Variants in CTNNA3 observed in about 807,000 individuals in gnomAD.
CTNNA3 encodes catenin alpha-3.
Under a neutral mutation model 95.7 loss-of-function variants are expected in CTNNA3, and 76 were observed. That is an observed-to-expected ratio of 0.79 (90% CI 0.66 to 0.96). The LOEUF is 0.96. CTNNA3 is among the 40% of genes least tolerant of loss of function. The pLI, the probability that CTNNA3 is intolerant of heterozygous loss-of-function variation, is 0.00. For synonymous variants in CTNNA3, 431 were observed against 374.4 expected (o/e 1.15, Z -1.74); for missense variants, 1,191 against 1,089.8 (o/e 1.09, Z -1.31).
intron 1 of CTNNA3, among the ~76,000 whole-genome samples, chr10:67,682,633 A>G (rs1344130654): frequency 9.2e-5 from 14 of 152,188 alleles, no homozygotes; most frequent in Non-Finnish European, 1.0e-4. Context: ...CAAATTATAA[A>G]TTATGTGTAC....
intron 11 of CTNNA3, among the ~76,000 whole-genome samples, chr10:66,404,923 AT>A (rs1358891786): frequency 3.9e-5 from 6 of 152,162 alleles, no homozygotes; most frequent in Non-Finnish European, 5.9e-5. Context: ...GGGGCAGAAC[AT>A]TCCAAAGAGA....
At chr10:67,282,374 G>C (rs2132445846) in intron 5 of CTNNA3, among the ~76,000 whole-genome samples, 1 of 152,090 alleles carries the variant, frequency 6.6e-6, no homozygotes, top group Middle Eastern at 3.4e-3. Context: ...TACTCCCATG[G>C]GAACACAAAT....
intron 11 of CTNNA3, among the ~76,000 whole-genome samples, chr10:66,439,335 A>T (rs1396278509): frequency 2.0e-5 from 3 of 152,188 alleles, no homozygotes; most frequent in Admixed American, 1.3e-4. Context: ...TATTTACATC[A>T]TCACAACAAT....
intron 9 of CTNNA3, among the ~76,000 whole-genome samples, chr10:66,752,444 C>T (rs1338179866): frequency 6.6e-6 from 1 of 152,022 alleles, no homozygotes; most frequent in Non-Finnish European, 1.5e-5. Flanking sequence ...AACTAATATA[C>T]AATAATTAAT....
chr10:66,861,960 A>G (rs1325230883), intron 7 of CTNNA3, among the ~76,000 whole-genome samples: 3 of 152,124 alleles, frequency 2.0e-5, no homozygotes, highest in Non-Finnish European at 4.4e-5. Context: ...CACACCTGTA[A>G]TCCCAGCACT....
At chr10:67,728,656 A>T (rs1298787184) in intron 1 of CTNNA3, among the ~76,000 whole-genome samples, 3 of 151,832 alleles carry the variant, frequency 2.0e-5, no homozygotes, top group Non-Finnish European at 4.4e-5. Flanking sequence ...ATATGCATGT[A>T]TTTGTATACC....
At chr10:66,465,025 CGG>C (rs1446615531) in intron 11 of CTNNA3, among the ~76,000 whole-genome samples, 2 of 152,022 alleles carry the variant, frequency 1.3e-5, no homozygotes, top group African/African-American at 4.8e-5. Context: ...AAATAGGGTG[CGG>C]ACATAGACAA....
At chr10:66,204,696 C>A (rs1285775464) in intron 13 of CTNNA3, among the ~76,000 whole-genome samples, 1 of 152,122 alleles carries the variant, frequency 6.6e-6, no homozygotes, top group Non-Finnish European at 1.5e-5. Context: ...TATTATAGCA[C>A]TTTTAAGATT....
intron 5 of CTNNA3, among the ~76,000 whole-genome samples, chr10:67,349,571 T>C (rs1199376358): frequency 6.6e-6 from 1 of 152,090 alleles, no homozygotes; most frequent in African/African-American, 2.4e-5. Context: ...GGGAAGTTGA[T>C]AATCAAGGGG....
intron 12 of CTNNA3, among the ~76,000 whole-genome samples, chr10:66,290,471 T>C (rs944305673): frequency 1.3e-5 from 2 of 152,128 alleles, no homozygotes; most frequent in Non-Finnish European, 2.9e-5. Context: ...TTCATCAGGA[T>C]ATACTTGAAA....
chr10:66,006,264 C>T lies in CTNNA3; in HGVS notation c.2160-17467G>A, dbSNP rs192966859. On this transcript the variant is annotated intron_variant, in intron 15 of 17. Coordinates refer to ENST00000433211, the MANE Select transcript of CTNNA3 (RefSeq NM_013266.4). ...TCCTGACCTCGTGATCCGCCCGCCT[C>T]GGCCTCCCAAAGTGCTGGGATTACA... Among the ~76,000 whole-genome samples, 259 of 152,078 alleles carry T rather than the reference C, an allele frequency of 1.7e-3. 1 individual carries two copies. Among genetic ancestry groups the T allele is most frequent in the African/African-American group, 5.1e-3 (212 of 41,502 alleles).
chr10:67,063,925 A>T (rs1207202558), intron 7 of CTNNA3, among the ~76,000 whole-genome samples: 1 of 152,170 alleles, frequency 6.6e-6, no homozygotes, highest in Non-Finnish European at 1.5e-5. Context: ...TTATGGGTGC[A>T]TTTACCTTCT....
intron 13 of CTNNA3, among the ~76,000 whole-genome samples, chr10:66,229,547 A>G (rs1409875792): frequency 6.6e-6 from 1 of 151,884 alleles, no homozygotes; most frequent in African/African-American, 2.4e-5. Context: ...TGAATATATC[A>G]TCCTATTCTC....
At chr10:66,344,607 A>G (rs2092487119) in intron 12 of CTNNA3, among the ~76,000 whole-genome samples, 1 of 152,090 alleles carries the variant, frequency 6.6e-6, no homozygotes, top group Non-Finnish European at 1.5e-5. Flanking sequence ...TTAAAAATCA[A>G]AAATTGAAAT....
intron 5 of CTNNA3, among the ~76,000 whole-genome samples, chr10:67,454,643 G>T (rs1847106427): frequency 6.6e-6 from 1 of 151,896 alleles, no homozygotes; most frequent in Non-Finnish European, 1.5e-5. Context: ...GTCTCTTATG[G>T]GCCTTATTAA....
intron 13 of CTNNA3, among the ~76,000 whole-genome samples, chr10:66,176,186 A>C (rs1000950424): frequency 9.2e-5 from 14 of 152,184 alleles, no homozygotes; most frequent in African/African-American, 3.4e-4. Flanking sequence ...GTGTGCGCAC[A>C]TGTATTTGTG....
chr10:67,421,080 T>C (rs1180395105), intron 5 of CTNNA3, among the ~76,000 whole-genome samples: 1 of 152,104 alleles, frequency 6.6e-6, no homozygotes, highest in Non-Finnish European at 1.5e-5. Context: ...TTCACTAAAG[T>C]CTAGGGAACA....
chr10:67,635,976 A>T (rs1839298832), intron 2 of CTNNA3, among the ~76,000 whole-genome samples: 1 of 152,222 alleles, frequency 6.6e-6, no homozygotes, highest in East Asian at 1.9e-4. Flanking sequence ...AAGTCTCAGG[A>T]TATAAAATCA....
At chr10:67,248,593 T>C (rs891078616) in intron 5 of CTNNA3, among the ~76,000 whole-genome samples, 1 of 152,028 alleles carries the variant, frequency 6.6e-6, no homozygotes, top group South Asian at 2.1e-4. Context: ...TTTTTGCTTT[T>C]GTTTTTATTT....
Sources: allele counts gnomAD v4.1 joint callset (sites outside exome capture counted in the v4.1 genomes callset), GRCh38; gene constraint gnomAD v4.1.1; transcripts MANE v1.5; gene names NCBI Gene and HGNC (gene_info 2026-07-23, HGNC 2026-07-21).